C1orf21: variants seen among roughly 807,000 people sequenced by gnomAD.
C1orf21 encodes chromosome 1 open reading frame 21, also known as uncharacterized protein C1orf21.
A neutral mutation model predicts 18.7 loss-of-function variants in C1orf21; 3 were observed. The observed-to-expected ratio is 0.16, with a 90% confidence interval of 0.07 to 0.42. The LOEUF is 0.42. Ranked by LOEUF, C1orf21 falls within the 10% of genes least tolerant of loss-of-function variation. The probability of loss-of-function intolerance (pLI) is 0.99; values close to 1 mark genes in which losing one functional copy is unlikely to be tolerated. For missense variants in C1orf21, 104 were observed against 143.6 expected, an observed-to-expected ratio of 0.72 and a Z score of 1.41; for synonymous variants, 41 against 46.4, an observed-to-expected ratio of 0.88 and a Z score of 0.47.
At chr1:184,427,998 T>A (rs1656668800) in intron 1 of C1orf21, among the ~76,000 whole-genome samples, 1 of 152,194 alleles carries the variant, frequency 6.6e-6, no homozygotes, top group African/African-American at 2.4e-5. Context: ...TGCTCAATTT[T>A]AAATACTAGT....
intron 3 of C1orf21, among the ~76,000 whole-genome samples, chr1:184,550,624 T>C (rs777027804): frequency 1.1e-4 from 16 of 152,198 alleles, no homozygotes; most frequent in Non-Finnish European, 2.1e-4. Flanking sequence ...AGCCTTGACC[T>C]CCTGGGCTCA....
At chr1:184,397,007 A>G (rs928479993) in intron 1 of C1orf21, among the ~76,000 whole-genome samples, 5 of 152,322 alleles carry the variant, frequency 3.3e-5, no homozygotes, top group Admixed American at 3.3e-4. Flanking sequence ...GTTGTGGTTC[A>G]GCATCAGTTT....
chr1:184,571,080 T>A (rs1571282434), intron 3 of C1orf21, among the ~76,000 whole-genome samples: 1 of 151,266 alleles, frequency 6.6e-6, no homozygotes, highest in East Asian at 1.9e-4. Flanking sequence ...GATCACGAGG[T>A]CAGGAGATCG....
intron 1 of C1orf21, among the ~76,000 whole-genome samples, chr1:184,448,831 T>C (rs1226019249): frequency 6.6e-6 from 1 of 152,120 alleles, no homozygotes; most frequent in Non-Finnish European, 1.5e-5. Context: ...TTTGGTAACT[T>C]ATTAAGTCCC....
chr1:184,434,783 CTT>C (rs1656833312), intron 1 of C1orf21, among the ~76,000 whole-genome samples: 2 of 152,206 alleles, frequency 1.3e-5, no homozygotes, highest in South Asian at 4.1e-4. Flanking sequence ...AGAGCTAAGA[CTT>C]TCATTCCTGG....
chr1:184,402,265 G>A (rs1480010269), intron 1 of C1orf21, among the ~76,000 whole-genome samples: 1 of 152,130 alleles, frequency 6.6e-6, no homozygotes, highest in Non-Finnish European at 1.5e-5. Context: ...GTACTTGTGT[G>A]ATTTTATCAT....
At chr1:184,534,208 G>A (rs1296122448) in intron 3 of C1orf21, among the ~76,000 whole-genome samples, 1 of 152,074 alleles carries the variant, frequency 6.6e-6, no homozygotes, top group Non-Finnish European at 1.5e-5. Context: ...CTGTGAGGTC[G>A]GTACTGTGGG....
At chr1:184,605,138 C>T (rs561680685) in intron 5 of C1orf21, among the ~76,000 whole-genome samples, 5 of 152,158 alleles carry the variant, frequency 3.3e-5, no homozygotes, top group Non-Finnish European at 5.9e-5. Flanking sequence ...GTGTCTCATT[C>T]CCTTGACTAG....
chr1:184,542,199 G>T (rs1183168746), intron 3 of C1orf21, among the ~76,000 whole-genome samples: 1 of 152,200 alleles, frequency 6.6e-6, no homozygotes, highest in Non-Finnish European at 1.5e-5. Context: ...CCTACCAGAT[G>T]TGGGGATATC....
At chr1:184,475,421 G>A (rs1194011079) in intron 1 of C1orf21, among the ~76,000 whole-genome samples, 1 of 151,960 alleles carries the variant, frequency 6.6e-6, no homozygotes, top group African/African-American at 2.4e-5. Context: ...TCTTAGCTCA[G>A]TCTGTTCCTT....
chr1:184,424,675 G>A (rs1571351514), intron 1 of C1orf21, among the ~76,000 whole-genome samples: 1 of 152,134 alleles, frequency 6.6e-6, no homozygotes, highest in East Asian at 1.9e-4. Flanking sequence ...AGCCCTCATT[G>A]GATGGGTTTA....
At chr1:184,429,926 G>A (rs1656707759) in intron 1 of C1orf21, among the ~76,000 whole-genome samples, 1 of 151,888 alleles carries the variant, frequency 6.6e-6, no homozygotes, top group Admixed American at 6.6e-5. Context: ...AGCTAATATG[G>A]TGAAACCCTG....
At chr1:184,528,712 G>A (rs1238536738) in intron 3 of C1orf21, among the ~76,000 whole-genome samples, 2 of 152,020 alleles carry the variant, frequency 1.3e-5, no homozygotes, top group African/African-American at 4.8e-5. Flanking sequence ...CCCAAATTGA[G>A]CATTATATCA....
intron 5 of C1orf21, among the ~76,000 whole-genome samples, chr1:184,607,099 G>T (rs954095993): frequency 1.3e-5 from 2 of 152,202 alleles, no homozygotes; most frequent in African/African-American, 4.8e-5. Context: ...TCTTGGAGCA[G>T]ACACTTCTAG....
At chr1:184,433,118 C>T (rs1656793216) in intron 1 of C1orf21, among the ~76,000 whole-genome samples, 1 of 152,200 alleles carries the variant, frequency 6.6e-6, no homozygotes, top group Non-Finnish European at 1.5e-5. Context: ...TGTGGCCATC[C>T]CCTGTTGGCC....
intron 1 of C1orf21, among the ~76,000 whole-genome samples, chr1:184,410,570 T>C (rs1423899897): frequency 1.6e-5 from 2 of 126,024 alleles, no homozygotes; most frequent in Non-Finnish European, 3.2e-5. Flanking sequence ...ATATATTCTT[T>C]GGATTAATTT....
intron 1 of C1orf21, among the ~76,000 whole-genome samples, chr1:184,474,951 G>T (rs902779716): frequency 6.6e-6 from 1 of 152,116 alleles, no homozygotes; most frequent in Non-Finnish European, 1.5e-5. Context: ...TGCTGGCTGG[G>T]AATCCAAAAC....
In C1orf21 at chr1:184,619,966, C is replaced by A. The variant is rs1049682096; in HGVS notation, c.*410C>A. On this transcript the variant is annotated 3_prime_UTR_variant, in exon 6 of 6. Transcript: ENST00000235307. ...AAACTGGTTCTGCTTCTAAGACAAG[C>A]ATCTCCTGCCCTCTCTCCTTCCTCC... The A allele has an allele frequency of 5.8e-6, 1 of 172,754 alleles. No homozygotes were observed. The highest frequency in any genetic ancestry group is 1.2e-5 in the Non-Finnish European group (1 of 82,504). 10.7% of individuals were successfully genotyped at this position (172,754 alleles called of 1,614,324 possible).
At chr1:184,505,620 A>C (rs1396879810) in intron 2 of C1orf21, among the ~76,000 whole-genome samples, 1 of 151,684 alleles carries the variant, frequency 6.6e-6, no homozygotes, top group Non-Finnish European at 1.5e-5. Flanking sequence ...AAAATTAGCC[A>C]GGCATGGTAG....
Sources: gnomAD v4.1 joint callset for allele counts (sites outside exome capture counted in the v4.1 genomes callset) on GRCh38, gnomAD v4.1.1 for gene constraint, MANE v1.5 for transcripts, NCBI Gene and HGNC (gene_info 2026-07-23, HGNC 2026-07-21) for gene names.